The following SYTL2 variants were observed in gnomAD, a reference collection of about 807,000 sequenced individuals.
SYTL2 encodes the protein synaptotagmin like 2, also known as synaptotagmin-like protein 2.
SYTL2 carries 165 observed loss-of-function variants against 198.7 expected under a neutral mutation model. The ratio of observed to expected loss-of-function variants is 0.83; its 90% confidence interval spans 0.73 to 0.94. SYTL2 has a LOEUF of 0.94. SYTL2 is among the 40% of genes least tolerant of loss of function. SYTL2 has a pLI of 0.00. For synonymous variants in SYTL2, 966 were observed against 917.7 expected, an observed-to-expected ratio of 1.05 and a Z score of -0.95; for missense variants, 2,835 against 2,582.8, an observed-to-expected ratio of 1.10 and a Z score of -2.12.
At position 85,788,005 on chromosome 11, in the gene SYTL2, C is replaced by T. The variant is rs187339554; in HGVS notation, c.-390+22949G>A. ...AATATATTTGCTCTTGATGTGTCAC[C>T]GGGTCATGAGTAGTTATCTGAGAAA... On this transcript the variant is annotated intron_variant, in intron 1 of 19. Transcript: ENST00000359152. Among the ~76,000 whole-genome samples, 18 of 152,218 alleles carry T rather than the reference C, an allele frequency of 1.2e-4. No homozygotes were observed. The East Asian group carries it at 3.1e-3, about 26-fold the overall frequency.
chr11:85,748,149 C>T, intron 3 of SYTL2, 123 bp downstream of exon 3: 2 of 1,143,994 alleles, frequency 1.7e-6, no homozygotes, highest in Non-Finnish European at 2.5e-6. Context: ...TAGAGGGCCA[C>T]ACATTATGAA....
At chr11:85,843,990 A>G in the SYTL2 span, among the ~76,000 whole-genome samples, 606 of 152,348 alleles carry the variant, frequency 4.0e-3, 3 homozygotes, top group African/African-American at 0.013. Context: ...CAGTCTCACC[A>G]GATGCCTCAG....
At chr11:85,776,710 G>C (rs1394975114) in intron 1 of SYTL2, among the ~76,000 whole-genome samples, 2 of 152,182 alleles carry the variant, frequency 1.3e-5, no homozygotes, top group Non-Finnish European at 2.9e-5. Flanking sequence ...CAATAAACAT[G>C]CGTGTGCATG....
At position 85,726,509 on chromosome 11, in the gene SYTL2, GGTCT is replaced by G; in HGVS notation, c.2845_2848del (p.Arg949LeufsTer2). ...GTTGGCATTTGATTCACGAACTAGA[GGTCT>G]GTCTTTCTCCAATGGAGCATGTCGT... On this transcript the variant is annotated frameshift_variant, in exon 8 of 20. Transcript: ENST00000359152. LOFTEE classifies it high-confidence loss of function. The G allele has an allele frequency of 6.2e-7, 1 of 1,605,902 alleles. No homozygotes were observed. Among genetic ancestry groups the G allele is most frequent in the East Asian group, 2.2e-5 (1 of 44,884 alleles).
chr11:85,808,582 C>T (rs2092991105), intron 1 of SYTL2, among the ~76,000 whole-genome samples: 1 of 152,092 alleles, frequency 6.6e-6, no homozygotes, highest in African/African-American at 2.4e-5. Flanking sequence ...CCTCTAGAAC[C>T]TTGGTCCTAC....
At chr11:85,708,415 T>C (rs1469444715) in intron 14 of SYTL2, among the ~76,000 whole-genome samples, 1 of 152,106 alleles carries the variant, frequency 6.6e-6, no homozygotes, top group African/African-American at 2.4e-5. Flanking sequence ...AGCAAAATAA[T>C]TAAGAATCAG....
chr11:85,821,277 T>G, the SYTL2 span, among the ~76,000 whole-genome samples: 1 of 152,294 alleles, frequency 6.6e-6, no homozygotes, highest in Admixed American at 6.5e-5. Flanking sequence ...TTATCTTCAG[T>G]TTAGAGCATC....
chr11:85,815,071 C>A (rs1305400612), upstream of SYTL2, among the ~76,000 whole-genome samples: 2 of 152,158 alleles, frequency 1.3e-5, no homozygotes, highest in African/African-American at 4.8e-5. Context: ...CACCTCCATC[C>A]TTCTCCCCAC....
At position 85,727,215 on chromosome 11, in the gene SYTL2, C is replaced by T. The variant is rs1325152273; in HGVS notation, c.2143G>A (p.Asp715Asn). ...GGTTCTTTGACAACTGTTGAAGAGT[C>T]AAAATTCACTTCTGAGTGTCCTCTA... ...ENRGHSEVNFDSSTVVKEPGL... is the reference protein window; with the variant it reads ...ENRGHSEVNFNSSTVVKEPGL... Residue 715 changes from aspartate to asparagine, a missense_variant, in exon 8 of 20, where the codon GAC becomes AAC. Transcript: ENST00000359152. The T allele has an allele frequency of 9.1e-6, 14 of 1,536,146 alleles. No individual in the cohort carries two copies. In the African/African-American group the frequency reaches 1.9e-4, roughly 21 times the overall value.
chr11:85,829,885 G>A, the SYTL2 span, among the ~76,000 whole-genome samples: 1 of 152,114 alleles, frequency 6.6e-6, no homozygotes, highest in East Asian at 1.9e-4. Context: ...TTTGGAAGAA[G>A]GTAGGTATTC....
At chr11:85,847,868 T>C in the SYTL2 span, among the ~76,000 whole-genome samples, 2 of 152,182 alleles carry the variant, frequency 1.3e-5, no homozygotes, top group African/African-American at 4.8e-5. Context: ...ATCCCAGTCT[T>C]CTGGCAGGTA....
chr11:85,705,270 A>C, intron 15 of SYTL2: 1 of 361,386 alleles, frequency 2.8e-6, no homozygotes. Flanking sequence ...CTCAGATATC[A>C]TAGTTGGTAA....
At chr11:85,831,550 T>A in the SYTL2 span, among the ~76,000 whole-genome samples, 6 of 152,298 alleles carry the variant, frequency 3.9e-5, no homozygotes, top group African/African-American at 1.2e-4. Context: ...CTAATTCACA[T>A]AGTTCATTAT....
intron 1 of SYTL2, among the ~76,000 whole-genome samples, chr11:85,782,531 G>C (rs539673457): frequency 4.3e-4 from 65 of 152,290 alleles, no homozygotes; most frequent in African/African-American, 1.3e-3. Context: ...TCCAGAAAAT[G>C]GTTTTTTCTT....
chr11:85,774,795 T>G (rs1249465772), intron 1 of SYTL2, among the ~76,000 whole-genome samples: 3 of 152,098 alleles, frequency 2.0e-5, no homozygotes, highest in African/African-American at 7.2e-5. Flanking sequence ...CTTAAACCCT[T>G]CCAAAGGCAG....
Position 85,724,286 on chromosome 11 carries a change from A to C in SYTL2, c.5072T>G (p.Val1691Gly). ...PPEDRDSESG[V>G]AGGQGTLQEP... Reference sequence around the variant, plus strand: ...CTGAAGAGTCCCTTGTCCCCCTGCAACCCCACTTTCACTGTCCCTGTCCTC... The same window carrying C: ...CTGAAGAGTCCCTTGTCCCCCTGCACCCCCACTTTCACTGTCCCTGTCCTC... Residue 1691 changes from valine (V) to glycine (G), a missense_variant, in exon 8 of 20, where the codon GTT becomes GGT. Physicochemically the swap from Val to Gly is moderately radical, Grantham distance 109. Transcript: ENST00000359152. 6.4e-7 allele frequency: 1 copy of C among 1,562,640 alleles called. No homozygotes were observed. The highest frequency in any genetic ancestry group is 8.6e-7 in the Non-Finnish European group (1 of 1,160,052).
At chr11:85,795,705 C>T (rs1418706944) in intron 1 of SYTL2, among the ~76,000 whole-genome samples, 1 of 152,182 alleles carries the variant, frequency 6.6e-6, no homozygotes, top group East Asian at 1.9e-4. Flanking sequence ...TAAAAATTTT[C>T]ACCTTTTTAA....
the SYTL2 span, among the ~76,000 whole-genome samples, chr11:85,849,365 C>T: frequency 6.6e-6 from 1 of 152,142 alleles, no homozygotes; most frequent in East Asian, 1.9e-4. Flanking sequence ...AGTCCTTGCC[C>T]ATGCCTGTGT....
intron 15 of SYTL2, among the ~76,000 whole-genome samples, chr11:85,705,958 G>A (rs1327524536): frequency 1.3e-5 from 2 of 152,162 alleles, no homozygotes; most frequent in Non-Finnish European, 2.9e-5. Context: ...TTTTCCAGAG[G>A]ATGATCAAAT....
Sources: gnomAD v4.1 joint callset for allele counts (sites outside exome capture counted in the v4.1 genomes callset) on GRCh38, gnomAD v4.1.1 for gene constraint, MANE v1.5 for transcripts, NCBI Gene and HGNC (gene_info 2026-07-23, HGNC 2026-07-21) for gene names.